PRR27: variants seen among roughly 807,000 people sequenced by gnomAD.
The protein encoded by PRR27 is proline-rich protein 27.
Under a neutral mutation model 16.8 loss-of-function variants are expected in PRR27, and 12 were observed. That is an observed-to-expected ratio of 0.71 (90% confidence interval 0.46 to 1.16). The LOEUF (loss-of-function observed/expected upper bound fraction) is 1.16. Among genes scored for constraint, PRR27 ranks in the 50% most tolerant of loss-of-function variants. The probability of loss-of-function intolerance (pLI) is 0.00; values close to 1 mark genes in which losing one functional copy is unlikely to be tolerated. For synonymous variants in PRR27, 100 were observed against 98.4 expected, an observed-to-expected ratio of 1.02 and a Z score of -0.10; for missense variants, 277 against 273.3, an observed-to-expected ratio of 1.01 and a Z score of -0.10.
At position 70,154,293 on chromosome 4, in the gene PRR27, G is replaced by C. The variant is rs1046014896; in HGVS notation, c.-83G>C. 2 of 1,193,564 alleles carry C rather than the reference G, an allele frequency of 1.7e-6. No individual in the cohort carries two copies. The highest frequency in any genetic ancestry group is 3.1e-5 in the African/African-American group (2 of 64,364). 73.9% of individuals were successfully genotyped at this position (1,193,564 alleles called of 1,614,324 possible). A position where few individuals can be genotyped will look rare whatever the true frequency, so the allele number is the denominator to read the frequency against. On this transcript the variant is annotated 5_prime_UTR_variant, in exon 1 of 5. Transcript: ENST00000344526. ...TGTATTCTTTCGTTTCTCTCTAAAA[G>C]AAGAAAAATATAATTTAAAAATACA...
chr4:70,165,919 C>G lies in PRR27; in HGVS notation c.*3258C>G, dbSNP rs1728756807. On this transcript the variant is annotated 3_prime_UTR_variant, in exon 5 of 5. Coordinates refer to ENST00000344526, the MANE Select transcript of PRR27 (RefSeq NM_214711.4). ...CCACTATACATCCTTTCTTCTATTT[C>G]TTTCTTTTGTGGCCAGAAAGTCAGG... 1 of 152,082 alleles carries G rather than the reference C, an allele frequency of 6.6e-6. No individual in the cohort carries two copies. Among genetic ancestry groups the G allele is most frequent in the African/African-American group, 2.4e-5 (1 of 41,432 alleles). 9.4% of individuals were successfully genotyped at this position (152,082 alleles called of 1,614,324 possible).
chr4:70,157,712 A>G (rs1318534072), intron 2 of PRR27, among the ~76,000 whole-genome samples: 1 of 151,810 alleles, frequency 6.6e-6, no homozygotes, highest in Non-Finnish European at 1.5e-5. Flanking sequence ...GCAGAGTTGG[A>G]GTTTCACCAT....
At position 70,158,440 on chromosome 4, in the gene PRR27, C is replaced by T. The variant is rs546416421; in HGVS notation, c.188C>T (p.Pro63Leu). ...CCAGTGAATACAGTCCCCAGTTACC[C>T]TGGGAATACTTACACTGACACAGGG... ...YRPVNTVPSYPGNTYTDTGLP... is the reference protein window; with the variant it reads ...YRPVNTVPSYLGNTYTDTGLP... The change falls in exon 3 of 5, where the codon CCT becomes CTT. Residue 63 changes from proline (P) to leucine (L), a missense_variant. Coordinates refer to ENST00000344526, the MANE Select transcript of PRR27 (RefSeq NM_214711.4). 1.5e-4 allele frequency: 244 copies of T among 1,614,028 alleles called. 1 individual carries two copies. The highest frequency in any genetic ancestry group is 4.2e-4 in the South Asian group (38 of 91,076).
rs1470486319 is a variant in PRR27 at position 70,165,063 on chromosome 4, C to A, written c.*2402C>A. On this transcript the variant is annotated 3_prime_UTR_variant, in exon 5 of 5. Transcript: ENST00000344526. ...TGTTTTTAGTGTTCATTTTTTTCCT[C>A]CTGACTACATTGAGATGAGTTAGAT... 1 of 151,992 alleles carries A rather than the reference C, an allele frequency of 6.6e-6. No homozygotes were observed. Among genetic ancestry groups the A allele is most frequent in the African/African-American group, 2.4e-5 (1 of 41,398 alleles). The allele number at this position is 151,992 out of a possible 1,614,324, so 9.4% of individuals were successfully genotyped here. A position where few individuals can be genotyped will look rare whatever the true frequency, so the allele number is the denominator to read the frequency against.
intron 3 of PRR27, among the ~76,000 whole-genome samples, chr4:70,160,465 G>GTGTGTGTGTC (rs1180067187): frequency 6.1e-4 from 92 of 150,552 alleles, no homozygotes; most frequent in African/African-American, 2.1e-3. Context: ...GTGTGTGTGT[G>GTGTGTGTGTC]TGTGTGTGTT....
At position 70,158,681 on chromosome 4, in the gene PRR27, T is replaced by C; in HGVS notation, c.429T>C (p.Pro143=). ...CAGCTGCACCTCTTACAGCCACACC[T>C]GTAGCAGCTGAGCCTGCTGCAGGGG... is the stretch of plus-strand genomic sequence containing the variant. ...PAAAAPLTAT[P]VAAEPAAGAP... is the part of the protein sequence containing the mutation. The change falls in exon 3 of 5, where the codon CCT becomes CCC. Residue 143 remains proline, a synonymous_variant. Transcript: ENST00000344526. The C allele has an allele frequency of 6.2e-7, 1 of 1,613,974 alleles. No individual in the cohort carries two copies. The highest frequency in any genetic ancestry group is 8.5e-7 in the Non-Finnish European group (1 of 1,179,964).
intron 3 of PRR27, among the ~76,000 whole-genome samples, chr4:70,161,156 G>GTATAGATATA (rs1728637500): frequency 1.1e-5 from 1 of 93,922 alleles, no homozygotes; most frequent in East Asian, 3.2e-4. Context: ...TATGAACACT[G>GTATAGATATA]TATATATATA....
At chr4:70,159,508 T>G (rs1728587927) in intron 3 of PRR27, among the ~76,000 whole-genome samples, 1 of 152,184 alleles carries the variant, frequency 6.6e-6, no homozygotes, top group Non-Finnish European at 1.5e-5. Flanking sequence ...CCCTGCTCAG[T>G]TCCTAATATT....
intron 3 of PRR27, among the ~76,000 whole-genome samples, chr4:70,160,433 CTCTCTCTCTCTGTG>C (rs1467195930): frequency 4.9e-5 from 2 of 40,870 alleles, no homozygotes; most frequent in African/African-American, 1.0e-4. Flanking sequence ...CTCTCTCTCT[CTCTCTCTCTCTGTG>C]TGTGTGTGTG....
intron 3 of PRR27, among the ~76,000 whole-genome samples, chr4:70,160,027 T>TA (rs1560470061): frequency 8.2e-4 from 124 of 151,796 alleles, no homozygotes; most frequent in African/African-American, 2.9e-3. Flanking sequence ...TATCCTCTTT[T>TA]TAAAAAAAAA....
chr4:70,160,443 C>CTCTCTCTGTGTG (rs1298386504), intron 3 of PRR27, among the ~76,000 whole-genome samples: 32 of 68,702 alleles, frequency 4.7e-4, no homozygotes, highest in East Asian at 1.7e-3. Flanking sequence ...CTCTCTCTCT[C>CTCTCTCTGTGTG]TGTGTGTGTG....
At chr4:70,161,519 G>A (rs1728648933) in intron 3 of PRR27, 67 bp from the exon 4 acceptor site, 2 of 1,005,686 alleles carry the variant, frequency 2.0e-6, no homozygotes, top group Admixed American at 2.0e-5. Flanking sequence ...GAAAAGATAG[G>A]CCCAATACTA....
intron 3 of PRR27, 125 bp from the exon 4 acceptor site, chr4:70,161,461 A>G: frequency 1.8e-6 from 1 of 559,048 alleles, no homozygotes; most frequent in Non-Finnish European, 3.2e-6. Flanking sequence ...TAAACATGTT[A>G]AGAAGAGATC....
chr4:70,155,090 C>G (rs1728445569), intron 1 of PRR27, among the ~76,000 whole-genome samples: 1 of 152,102 alleles, frequency 6.6e-6, no homozygotes, highest in African/African-American at 2.4e-5. Context: ...ATGGTAGAAA[C>G]TCAACTGCTA....
intron 4 of PRR27, 97 bp downstream of exon 4, chr4:70,161,727 C>T (rs912669884): frequency 7.7e-6 from 4 of 518,910 alleles, no homozygotes; most frequent in Non-Finnish European, 6.6e-6. Flanking sequence ...TTTTTTACTA[C>T]ATGAAAATGA....
Position 70,163,876 on chromosome 4 carries a change from T to C in PRR27, c.*1215T>C, listed in dbSNP as rs1054585381. On this transcript the variant is annotated 3_prime_UTR_variant, in exon 5 of 5. Coordinates refer to ENST00000344526, the MANE Select transcript of PRR27 (RefSeq NM_214711.4). ...TCTCCATCTTGCCCCATGCTCCTCA[T>C]GCAGCAGCTTTTTTTTTTTTTTCCT... 9 of 145,470 alleles carry C rather than the reference T, an allele frequency of 6.2e-5. No homozygotes were observed. Among genetic ancestry groups the C allele is most frequent in the Admixed American group, 5.8e-4 (8 of 13,800 alleles). 9.0% of individuals were successfully genotyped at this position (145,470 alleles called of 1,614,324 possible).
intron 3 of PRR27, among the ~76,000 whole-genome samples, chr4:70,160,474 T>TGTGTGTGTGTGTGTGTGTGTG (rs1553902854): frequency 5.3e-5 from 8 of 149,774 alleles, no homozygotes; most frequent in South Asian, 2.1e-4. Flanking sequence ...TGTGTGTGTG[T>TGTGTGTGTGTGTGTGTGTGTG]TTTCCCTTGC....
chr4:70,166,245 A>G lies in PRR27; in HGVS notation c.*3584A>G, dbSNP rs1484992751. 6.6e-6 allele frequency: 1 copy of G among 152,068 alleles called. No individual in the cohort carries two copies. The highest frequency in any genetic ancestry group is 1.5e-5 in the Non-Finnish European group (1 of 67,948). The allele number at this position is 152,068 out of a possible 1,614,324, so 9.4% of individuals were successfully genotyped here. On this transcript the variant is annotated 3_prime_UTR_variant, in exon 5 of 5. Transcript: ENST00000344526. The stretch of plus-strand genomic sequence containing the variant: ...AAAAGTAAACTATATTTCCTACATT[A>G]TGCTATAGAACTTATAGACTAATTT...
At position 70,166,089 on chromosome 4, in the gene PRR27, C is replaced by A. The variant is rs991728274; in HGVS notation, c.*3428C>A. 3.9e-5 allele frequency: 6 copies of A among 151,982 alleles called. No homozygotes were observed. The highest frequency in any genetic ancestry group is 7.4e-5 in the Non-Finnish European group (5 of 67,928). 9.4% of individuals were successfully genotyped at this position (151,982 alleles called of 1,614,324 possible). A position where few individuals can be genotyped will look rare whatever the true frequency, so the allele number is the denominator to read the frequency against. On this transcript the variant is annotated 3_prime_UTR_variant, in exon 5 of 5. Coordinates refer to ENST00000344526, the MANE Select transcript of PRR27 (RefSeq NM_214711.4). ...ACAAGACATATAATAAATGGTATGTCATTTCACAATTTACTATTTTTACTC... is the reference window on the plus strand; with the variant it reads ...ACAAGACATATAATAAATGGTATGTAATTTCACAATTTACTATTTTTACTC...
Sources: allele counts gnomAD v4.1 joint callset (sites outside exome capture counted in the v4.1 genomes callset), GRCh38; gene constraint gnomAD v4.1.1; transcripts MANE v1.5; gene names NCBI Gene and HGNC (gene_info 2026-07-23, HGNC 2026-07-21).